TKTL1: variants seen among roughly 807,000 people sequenced by gnomAD.
The protein encoded by TKTL1 is transketolase like 1, also known as transketolase-like protein 1.
TKTL1 carries 1 observed loss-of-function variant against 39.3 expected under a neutral mutation model. That is an observed-to-expected ratio of 0.03 (90% CI 0.01 to 0.12). The LOEUF (loss-of-function observed/expected upper bound fraction) is 0.12. Among genes scored for constraint, TKTL1 ranks in the 10% least tolerant of loss-of-function variants. TKTL1 has a pLI of 1.00. For synonymous variants in TKTL1, 262 were observed against 193.8 expected, an observed-to-expected ratio of 1.35 and a Z score of -2.92; for missense variants, 575 against 509.6, an observed-to-expected ratio of 1.13 and a Z score of -1.24.
At chrX:154,313,370 C>CT (rs1187747200) in intron 6 of TKTL1, among the ~76,000 whole-genome samples, 3 of 111,918 alleles carry the variant, frequency 2.7e-5, no homozygotes, top group African/African-American at 9.8e-5. Context: ...GCACAAAACT[C>CT]TTGAGTATCA....
intron 7 of TKTL1, among the ~76,000 whole-genome samples, chrX:154,318,279 A>G (rs894412162): frequency 9.1e-6 from 1 of 110,392 alleles, no homozygotes; most frequent in African/African-American, 3.3e-5. Context: ...TTGTTCATAT[A>G]TTGACATTTT....
chrX:154,313,644 A>G (rs984595535), intron 6 of TKTL1, among the ~76,000 whole-genome samples: 1 of 111,743 alleles, frequency 8.9e-6, no homozygotes, highest in Admixed American at 9.5e-5. Context: ...CGGTATATCA[A>G]CAAAGGGTGG....
intron 7 of TKTL1, among the ~76,000 whole-genome samples, chrX:154,317,235 A>G (rs782567109): frequency 1.8e-5 from 2 of 112,248 alleles, no homozygotes; most frequent in East Asian, 2.8e-4. Flanking sequence ...AAAAAGTTGT[A>G]AAGAAAAGGC....
At chrX:154,327,386 T>A (rs373165665) in intron 10 of TKTL1, 6 of 556,770 alleles carry the variant, frequency 1.1e-5, no homozygotes, top group Non-Finnish European at 2.0e-5. Context: ...GGCGTATCCA[T>A]GCTCCAGGAC....
Position 154,329,663 on chromosome X carries a change from C to T in TKTL1, c.1766C>T (p.Ala589Val), listed in dbSNP as rs2148089888. 8.3e-7 allele frequency: 1 copy of T among 1,210,681 alleles called. No homozygotes were observed. Among genetic ancestry groups the T allele is most frequent in the South Asian group, 1.8e-5 (1 of 56,895 alleles). ...YGISARHIIVAVKCMLLN is the reference protein window; with the variant it reads ...YGISARHIIVVVKCMLLN Reference sequence around the variant, plus strand: ...ATTAGTGCCAGACATATCATAGTGGCCGTGAAATGCATGTTGCTGAACTAA... The same window carrying T: ...ATTAGTGCCAGACATATCATAGTGGTCGTGAAATGCATGTTGCTGAACTAA... Residue 589 changes from alanine to valine, a missense_variant, in exon 13 of 13, where the codon GCC becomes GTC. Ala to Val is a moderately conservative substitution (Grantham distance 64). Transcript: ENST00000369915.
rs781854252 is a variant in TKTL1 at position 154,315,296 on chromosome X, C to T, written c.988C>T (p.Pro330Ser). Residue 330 changes from proline (P) to serine (S), a missense_variant, in exon 7 of 13, where the codon CCT becomes TCT. Coordinates refer to ENST00000369915, the MANE Select transcript of TKTL1 (RefSeq NM_012253.4). ...TFSEIFNKEYPERFIECFMAE... is the reference protein window; with the variant it reads ...TFSEIFNKEYSERFIECFMAE... Reference sequence around the variant, plus strand: ...CTCTGAGATATTCAACAAGGAGTACCCTGAGCGCTTCATCGAGTGCTTTAT... The same window carrying T: ...CTCTGAGATATTCAACAAGGAGTACTCTGAGCGCTTCATCGAGTGCTTTAT... 39 of 1,209,171 alleles carry T rather than the reference C, an allele frequency of 3.2e-5. No homozygotes were observed. The highest frequency in any genetic ancestry group is 8.8e-5 in the African/African-American group (5 of 57,009).
Position 154,325,328 on chromosome X carries a change from T to C in TKTL1, c.1318-11T>C. Reference sequence around the variant, plus strand: ...TTGCTTTTCTAAACCATGGCTCCATTTATGCCCTAGGGGATGTGCTTCATT... The same window carrying C: ...TTGCTTTTCTAAACCATGGCTCCATCTATGCCCTAGGGGATGTGCTTCATT... On this transcript the variant is annotated splice_polypyrimidine_tract_variant and intron_variant, in intron 9 of 12. Transcript: ENST00000369915. 1 of 1,204,496 alleles carries C rather than the reference T, an allele frequency of 8.3e-7. No homozygotes were observed.
chrX:154,324,215 C>T (rs1395212650), intron 9 of TKTL1, among the ~76,000 whole-genome samples: 7 of 111,453 alleles, frequency 6.3e-5, no homozygotes, highest in Non-Finnish European at 1.1e-4. Flanking sequence ...GGCACAATCT[C>T]GGCTCACTGC....
rs782692535 is a variant in TKTL1, at chrX:154,305,093, A to G, written c.135-211A>G. On this transcript the variant is annotated intron_variant, in intron 1 of 12. Transcript: ENST00000369915. ...GAGTCCACGGTGCTCTGCGGTTAGG[A>G]GCTGGCCTCACTGTGCACAGGGGGA... 1.5e-5 allele frequency: 17 copies of G among 1,143,719 alleles called. No homozygotes were observed. The East Asian group carries it at 4.8e-4, about 32-fold the overall frequency. The allele number at this position is 1,143,719 out of a possible 1,213,427, so 94.3% of individuals were successfully genotyped here.
At chrX:154,320,398 A>AAGT in intron 7 of TKTL1, 1 of 238,710 alleles carries the variant, frequency 4.2e-6, no homozygotes, top group Non-Finnish European at 7.6e-6. Context: ...AGAGAAAGGG[A>AAGT]AGTAGCACAA....
chrX:154,315,695 C>T lies in TKTL1; in HGVS notation c.1029+358C>T, dbSNP rs1054645534. 7.1e-5 allele frequency among the ~76,000 whole-genome samples: 8 copies of T among 111,890 alleles called. No homozygotes were observed. The South Asian group carries it at 3.1e-3, about 43-fold the overall frequency. On this transcript the variant is annotated intron_variant, in intron 7 of 12. Coordinates refer to ENST00000369915, the MANE Select transcript of TKTL1 (RefSeq NM_012253.4). ...GCCCAATTCTGCAACCACCCAGAGGCACACTGGCTGAGGAGTCACAGGGAA... is the reference window on the plus strand; with the variant it reads ...GCCCAATTCTGCAACCACCCAGAGGTACACTGGCTGAGGAGTCACAGGGAA...
intron 3 of TKTL1, among the ~76,000 whole-genome samples, chrX:154,310,359 C>A (rs1363565859): frequency 2.7e-5 from 3 of 111,536 alleles, no homozygotes; most frequent in African/African-American, 9.8e-5. Flanking sequence ...TGCTTGAACC[C>A]GGGAGGTGGA....
chrX:154,316,359 C>T (rs1221393713), intron 7 of TKTL1, among the ~76,000 whole-genome samples: 1 of 111,155 alleles, frequency 9.0e-6, no homozygotes, highest in Non-Finnish European at 1.9e-5. Flanking sequence ...CATGAGCCAC[C>T]GCGCCCAGCC....
intron 1 of TKTL1, among the ~76,000 whole-genome samples, chrX:154,303,227 T>C (rs1346286085): frequency 3.1e-5 from 3 of 95,772 alleles, no homozygotes; most frequent in Non-Finnish European, 6.1e-5. Context: ...ATTTATTTAT[T>C]TTGAGGCAGG....
chrX:154,309,522 C>G, intron 3 of TKTL1, 80 bp downstream of exon 3: 1 of 862,052 alleles, frequency 1.2e-6, no homozygotes, highest in Non-Finnish European at 1.7e-6. Flanking sequence ...AGCCACCTAT[C>G]TCCGTGATGT....
At position 154,312,711 on chromosome X, in the gene TKTL1, C is replaced by A. The variant is rs146912512; in HGVS notation, c.802C>A (p.Pro268Thr). 1.3e-5 allele frequency: 16 copies of A among 1,209,539 alleles called. No homozygotes were observed. In the African/African-American group the frequency reaches 2.1e-4, roughly 16 times the overall value. ...CCCACAGCCCCCCATTGAGGACTCA[C>A]CTGAAGTCAACATCACAGATGTAAG... ...LDPQPPIEDS[P>T]EVNITDVRMT... The change falls in exon 6 of 13, where the codon CCT becomes ACT. Residue 268 changes from proline (P) to threonine (T), a missense_variant. Pro to Thr is a conservative substitution (Grantham distance 38). Transcript: ENST00000369915.
At chrX:154,325,614 C>G (rs2067488250) in intron 10 of TKTL1, among the ~76,000 whole-genome samples, 192 bp downstream of exon 10, 1 of 112,527 alleles carries the variant, frequency 8.9e-6, no homozygotes, top group Non-Finnish European at 1.9e-5. Flanking sequence ...TTAGCCTGAA[C>G]TTTTCTGCTT....
chrX:154,312,279 G>A lies in TKTL1; in HGVS notation c.671-301G>A, dbSNP rs112965169. 5.1e-3 allele frequency among the ~76,000 whole-genome samples: 570 copies of A among 112,122 alleles called. 2 individuals are homozygous for A. The highest frequency in any genetic ancestry group is 0.018 in the Middle Eastern group (4 of 219). On this transcript the variant is annotated intron_variant, in intron 5 of 12. Coordinates refer to ENST00000369915, the MANE Select transcript of TKTL1 (RefSeq NM_012253.4). ...CTGTAATCCCAGCTACTTAGGAGGC[G>A]GAGGCGGGAGGATCACTCGAGCCCG... is the stretch of plus-strand genomic sequence containing the variant.
In TKTL1 at chrX:154,295,976, A is replaced by G; in HGVS notation, c.117A>G (p.Thr39=). The G allele has an allele frequency of 1.7e-6, 2 of 1,211,320 alleles. No individual in the cohort carries two copies. Among genetic ancestry groups the G allele is most frequent in the Non-Finnish European group, 2.2e-6 (2 of 895,194 alleles). Residue 39 remains threonine (T), a synonymous_variant, in exon 1 of 13, where the codon ACA becomes ACG. Transcript: ENST00000369915. The stretch of plus-strand genomic sequence containing the variant: ...TGCGAATCCATTCCATCAGGGCCAC[A>G]TGCTCCACGAGCTCCGGGTAAGTTC... ...SRLRIHSIRA[T]CSTSSGHPTS...
Sources: allele counts gnomAD v4.1 joint callset (sites outside exome capture counted in the v4.1 genomes callset), GRCh38; gene constraint gnomAD v4.1.1; transcripts MANE v1.5; gene names NCBI Gene and HGNC (gene_info 2026-07-23, HGNC 2026-07-21).